PAX9: variants seen among roughly 807,000 people sequenced by gnomAD.
PAX9 encodes paired box 9, also known as paired box protein Pax-9.
In PAX9, 6 loss-of-function variants were observed where a neutral mutation model predicts 29.1. That is an observed-to-expected ratio of 0.21 (90% CI 0.11 to 0.41). The LOEUF (loss-of-function observed/expected upper bound fraction) is 0.41. Among genes scored for constraint, PAX9 ranks in the 10% least tolerant of loss-of-function variants. The pLI, the probability that PAX9 is intolerant of heterozygous loss-of-function variation, is 1.00. For synonymous variants in PAX9, 217 were observed against 211.7 expected (o/e 1.03, Z -0.22); for missense variants, 443 against 479.1 (o/e 0.92, Z 0.70).
intron 1 of PAX9, chr14:36,662,528 T>G: frequency 2.5e-6 from 1 of 394,490 alleles, no homozygotes; most frequent in Non-Finnish European, 4.5e-6. Flanking sequence ...ATGGGATGGG[T>G]GGAGAGAGGG....
intron 3 of PAX9, among the ~76,000 whole-genome samples, chr14:36,668,235 TTA>T (rs1322828046): frequency 6.6e-6 from 1 of 152,160 alleles, no homozygotes; most frequent in Non-Finnish European, 1.5e-5. Flanking sequence ...AAGCAAGCAT[TTA>T]ATAGGCGCTC....
chr14:36,661,917 G>T lies in PAX9; in HGVS notation c.-173G>T. ...GCAGAACTCAAGCCTCTTTCATCGG[G>T]GCACAGACTTCCTTTTACTTCTTCC... On this transcript the variant is annotated 5_prime_UTR_variant, in exon 1 of 4. Transcript: ENST00000361487. The T allele has an allele frequency of 1.3e-6, 1 of 763,960 alleles. No individual in the cohort carries two copies. 47.3% of individuals were successfully genotyped at this position (763,960 alleles called of 1,614,324 possible).
At chr14:36,671,882 T>C (rs1203177388) in intron 3 of PAX9, 2 of 152,206 alleles carry the variant, frequency 1.3e-5, no homozygotes, top group African/African-American at 4.8e-5. Flanking sequence ...GTTGGTCTTT[T>C]CCTAAAAGTA....
rs104894468 is a variant in PAX9, at chr14:36,663,151, A to T, written c.259A>T (p.Ile87Phe). 6.2e-7 allele frequency: 1 copy of T among 1,613,988 alleles called. No homozygotes were observed. The highest frequency in any genetic ancestry group is 1.3e-5 in the African/African-American group (1 of 75,032). Reference sequence around the variant, plus strand: ...CACTACCCCCACCGTGGTGAAACACATCCGGACCTACAAGCAGAGAGACCC... The same window carrying T: ...CACTACCCCCACCGTGGTGAAACACTTCCGGACCTACAAGCAGAGAGACCC... ...RVTTPTVVKH[I>F]RTYKQRDPGI... The change falls in exon 2 of 4, where the codon ATC becomes TTC. Residue 87 changes from isoleucine to phenylalanine, a missense_variant. Around this residue, in one of 2 missense-constraint regions of PAX9, gnomAD observed 107 missense variants for 161.9 expected, o/e 0.66. Coordinates refer to ENST00000361487, the MANE Select transcript of PAX9 (RefSeq NM_001372076.1).
In PAX9 at chr14:36,678,854, T is replaced by TATC. The variant is rs1882042643; in HGVS notation, c.*2404_*2406dup. 1.0e-6 allele frequency: 1 copy of TATC among 976,176 alleles called. No homozygotes were observed. The highest frequency in any genetic ancestry group is 1.7e-5 in the African/African-American group (1 of 57,438). The allele number at this position is 976,176 out of a possible 1,614,324, so 60.5% of individuals were successfully genotyped here. On this transcript the variant is annotated 3_prime_UTR_variant, in exon 4 of 4. Coordinates refer to ENST00000361487, the MANE Select transcript of PAX9 (RefSeq NM_001372076.1). ...TTCACATGGAGTAATTTTTAAAAGA[T>TATC]ATCAGATACAATTTGCTATTCAAAG...
At position 36,676,890 on chromosome 14, in the gene PAX9, T is replaced by C. The variant is rs1478295186; in HGVS notation, c.*438T>C. On this transcript the variant is annotated 3_prime_UTR_variant, in exon 4 of 4. Coordinates refer to ENST00000361487, the MANE Select transcript of PAX9 (RefSeq NM_001372076.1). ...TAAAGGAAAATACTTATAGAAAAAA[T>C]TATGCTACACCCTCTAATCAAATAT... 9.1e-6 allele frequency: 2 copies of C among 220,056 alleles called. No individual in the cohort carries two copies. The highest frequency in any genetic ancestry group is 1.8e-5 in the Non-Finnish European group (2 of 108,512). 13.6% of individuals were successfully genotyped at this position (220,056 alleles called of 1,614,324 possible).
chr14:36,658,070 C>A (rs1881099831), upstream of PAX9, among the ~76,000 whole-genome samples: 1 of 152,132 alleles, frequency 6.6e-6, no homozygotes, highest in Admixed American at 6.5e-5. Context: ...GGGCGCGGGG[C>A]GAGCTTCTGG....
Position 36,678,161 on chromosome 14 carries a change from G to T in PAX9, c.*1709G>T. 2.5e-6 allele frequency: 1 copy of T among 393,620 alleles called. No homozygotes were observed. The highest frequency in any genetic ancestry group is 4.7e-6 in the Non-Finnish European group (1 of 213,262). The allele number at this position is 393,620 out of a possible 1,614,324, so 24.4% of individuals were successfully genotyped here. ...GGTCTGTGCTGTGCACAGTCTACAT[G>T]GCAATGCGGTTCCACCACATCGGTT... On this transcript the variant is annotated 3_prime_UTR_variant, in exon 4 of 4. Transcript: ENST00000361487.
rs150241882 is a variant in PAX9, at chr14:36,678,383, A to G, written c.*1931A>G. The G allele has an allele frequency of 1.6e-4, 166 of 1,037,664 alleles. No individual in the cohort carries two copies. In the African/African-American group the frequency reaches 1.7e-3, roughly 10 times the overall value. 64.3% of individuals were successfully genotyped at this position (1,037,664 alleles called of 1,614,324 possible). ...AATTCAGTGCTACAAATAGAGGATT[A>G]TAACTTCAGGAGAAGAATAAGCAGA... On this transcript the variant is annotated 3_prime_UTR_variant, in exon 4 of 4. Coordinates refer to ENST00000361487, the MANE Select transcript of PAX9 (RefSeq NM_001372076.1).
chr14:36,678,469 A>T lies in PAX9; in HGVS notation c.*2017A>T, dbSNP rs1321148970. On this transcript the variant is annotated 3_prime_UTR_variant, in exon 4 of 4. Transcript: ENST00000361487. ...TTGATCTTGTAAAACTTCCATTGAC[A>T]TCTGGAGTTCCCAGTCTGGTGAGAA... 5.9e-6 allele frequency: 9 copies of T among 1,534,442 alleles called. No homozygotes were observed. The Admixed American group carries it at 1.8e-4, about 30-fold the overall frequency.
chr14:36,678,675 T>G lies in PAX9; in HGVS notation c.*2223T>G. On this transcript the variant is annotated 3_prime_UTR_variant, in exon 4 of 4. Transcript: ENST00000361487. ...GGCTTTAAAAAATATTACTTGCTTG[T>G]GTGGAAATGCAAATAATGTTATTTT... is the stretch of plus-strand genomic sequence containing the variant. 1 of 1,259,828 alleles carries G rather than the reference T, an allele frequency of 7.9e-7. No individual in the cohort carries two copies. The highest frequency in any genetic ancestry group is 1.0e-6 in the Non-Finnish European group (1 of 1,002,254). 78.0% of individuals were successfully genotyped at this position (1,259,828 alleles called of 1,614,324 possible).
Position 36,662,015 on chromosome 14 carries a change from G to C in PAX9, c.-75G>C, listed in dbSNP as rs1211626025. 6.5e-7 allele frequency: 1 copy of C among 1,545,956 alleles called. No homozygotes were observed. The highest frequency in any genetic ancestry group is 1.4e-5 in the African/African-American group (1 of 73,044). On this transcript the variant is annotated 5_prime_UTR_variant, in exon 1 of 4. Transcript: ENST00000361487. ...GGTCGGCCGGGATAGCAACAGGCCG[G>C]GCCACTGAGGCGGTGCGGAAAGTTT...
In PAX9 at chr14:36,663,187, G is replaced by T. The variant is rs759490130; in HGVS notation, c.295G>T (p.Ala99Ser). 3.7e-6 allele frequency: 6 copies of T among 1,614,086 alleles called. No homozygotes were observed. Among genetic ancestry groups the T allele is most frequent in the Admixed American group, 3.3e-5 (2 of 60,028 alleles). The change falls in exon 2 of 4, where the codon GCC (alanine) becomes TCC (serine). Residue 99 changes from alanine (A) to serine (S), a missense_variant. Ala to Ser is a moderately conservative substitution (Grantham distance 99). Around this residue, in one of 2 missense-constraint regions of PAX9, gnomAD observed 107 missense variants for 161.9 expected, o/e 0.66. Transcript: ENST00000361487. Reference protein sequence around the residue: ...TYKQRDPGIFAWEIRDRLLAD... With the variant: ...TYKQRDPGIFSWEIRDRLLAD... The stretch of plus-strand genomic sequence containing the variant: ...CAAGCAGAGAGACCCCGGCATCTTC[G>T]CCTGGGAGATCCGGGACCGCCTGCT...
At chr14:36,659,444 G>T (rs895919478), upstream of PAX9, among the ~76,000 whole-genome samples, 4 of 152,166 alleles carry the variant, frequency 2.6e-5, no homozygotes, top group African/African-American at 9.7e-5. Flanking sequence ...CTGGGATCCC[G>T]CTGACCCTGT....
upstream of PAX9, chr14:36,658,675 A>G (rs1218689174): frequency 1.3e-5 from 2 of 152,182 alleles, no homozygotes; most frequent in East Asian, 3.9e-4. Flanking sequence ...CTGCCGGGCT[A>G]GATTCCCGTT....
upstream of PAX9, among the ~76,000 whole-genome samples, chr14:36,659,443 C>T (rs1881172133): frequency 6.6e-6 from 1 of 152,198 alleles, no homozygotes; most frequent in Admixed American, 6.5e-5. Flanking sequence ...GCTGGGATCC[C>T]GCTGACCCTG....
Position 36,666,557 on chromosome 14 carries a change from G to T in PAX9, c.727G>T (p.Gly243Trp), listed in dbSNP as rs1428602414. Reference protein sequence around the residue: ...FPAAAPHAVNGLEKGALEQEA... With the variant: ...FPAAAPHAVNWLEKGALEQEA... Reference sequence around the variant, plus strand: ...CGCCGCCGCCCCGCACGCGGTGAACGGGTTGGAGAAGGGAGCCCTGGAGCA... The same window carrying T: ...CGCCGCCGCCCCGCACGCGGTGAACTGGTTGGAGAAGGGAGCCCTGGAGCA... Residue 243 changes from glycine (G) to tryptophan (W), a missense_variant, in exon 3 of 4, where the codon GGG (glycine) becomes TGG (tryptophan). Gly to Trp is a radical substitution (Grantham distance 184). This residue lies in a region of PAX9 where 336 missense variants were observed against 317.2 expected (regional missense o/e 1.06). Transcript: ENST00000361487. The T allele has an allele frequency of 1.3e-6, 2 of 1,581,016 alleles. No individual in the cohort carries two copies. The highest frequency in any genetic ancestry group is 3.6e-5 in the Admixed American group (2 of 55,316).
intron 3 of PAX9, among the ~76,000 whole-genome samples, chr14:36,671,348 T>A (rs1176893626): frequency 6.6e-6 from 1 of 152,162 alleles, no homozygotes; most frequent in African/African-American, 2.4e-5. Context: ...AGTGTTTTGA[T>A]ACTAACGTAT....
intron 2 of PAX9, 52 bp downstream of exon 2, chr14:36,663,575 C>G (rs1566468754): frequency 1.2e-6 from 2 of 1,605,920 alleles, no homozygotes; most frequent in Non-Finnish European, 1.7e-6. Context: ...CCCCCGCACT[C>G]TCGCGGAGGT....
Sources: gnomAD v4.1 joint callset for allele counts (sites outside exome capture counted in the v4.1 genomes callset) on GRCh38, gnomAD v4.1.1 for gene constraint, gnomAD v4.1.1 regional missense constraint, MANE v1.5 for transcripts, NCBI Gene and HGNC (gene_info 2026-07-23, HGNC 2026-07-21) for gene names.